Variants in ATAD2B observed in about 807,000 individuals in gnomAD.
ATAD2B encodes the protein ATPase family AAA domain containing 2B.
Under a neutral mutation model 167.6 loss-of-function variants are expected in ATAD2B, and 40 were observed. That is an observed-to-expected ratio of 0.24 (90% CI 0.19 to 0.31). The LOEUF (loss-of-function observed/expected upper bound fraction) is 0.31. Among genes scored for constraint, ATAD2B ranks in the 10% least tolerant of loss-of-function variants. ATAD2B has a pLI of 1.00. For synonymous variants in ATAD2B, 579 were observed against 596.5 expected, an observed-to-expected ratio of 0.97 and a Z score of 0.43; for missense variants, 1,242 against 1,757.2, an observed-to-expected ratio of 0.71 and a Z score of 5.24.
the ATAD2B span, among the ~76,000 whole-genome samples, chr2:23,692,894 A>G: frequency 1.3e-5 from 2 of 152,156 alleles, no homozygotes; most frequent in Non-Finnish European, 1.5e-5. Flanking sequence ...CTGGCACAAC[A>G]TGGAAGATGC....
downstream of ATAD2B, among the ~76,000 whole-genome samples, chr2:23,743,999 C>A (rs1674658073): frequency 6.6e-6 from 1 of 152,062 alleles, no homozygotes; most frequent in Non-Finnish European, 1.5e-5. Flanking sequence ...AGAAAGGAAA[C>A]ATCATCATAG....
At chr2:23,857,187 A>G (rs1375797497) in intron 13 of ATAD2B, among the ~76,000 whole-genome samples, 1 of 152,266 alleles carries the variant, frequency 6.6e-6, no homozygotes, top group Non-Finnish European at 1.5e-5. Context: ...AGGAATGAAC[A>G]TGGTTGTATT....
chr2:23,684,272 G>C, the ATAD2B span: 4 of 671,426 alleles, frequency 6.0e-6, no homozygotes, highest in African/African-American at 3.8e-5. This position sits in a 1 kb window ranked among gnomAD's most constrained non-coding sequence, Gnocchi z 4.4. Flanking sequence ...AGCCAGTCTT[G>C]CCAAGAAACA....
rs1161812244 is a variant in ATAD2B at position 23,808,036 on chromosome 2, AATTT to A, written c.2454+2276_2454+2279del. Among the ~76,000 whole-genome samples, 111 of 35,872 alleles carry A rather than the reference AATTT, an allele frequency of 3.1e-3. 1 individual carries two copies. The South Asian group carries it at 0.034, about 11-fold the overall frequency. The allele number at this position is 35,872 out of a possible 152,430, so 23.5% of individuals were successfully genotyped here. A position where few individuals can be genotyped will look rare whatever the true frequency, so the allele number is the denominator to read the frequency against. On this transcript the variant is annotated intron_variant, in intron 18 of 27. Transcript: ENST00000238789. The stretch of plus-strand genomic sequence containing the variant: ...TATATTATTTATTTATTATATATGT[AATTT>A]ATTTATATATAAGTAACTATAAATT...
intron 17 of ATAD2B, chr2:23,811,200 A>C (rs1456751018): frequency 6.6e-6 from 1 of 152,222 alleles, no homozygotes; most frequent in Non-Finnish European, 1.5e-5. Flanking sequence ...ACTTTTTGAC[A>C]AAGAGGTAGA....
At chr2:23,782,845 G>A in intron 22 of ATAD2B, 24 bp downstream of exon 22, 7 of 1,581,952 alleles carry the variant, frequency 4.4e-6, no homozygotes, top group Non-Finnish European at 6.0e-6. Flanking sequence ...TTATCAAGGG[G>A]AACCTTGCCC....
chr2:23,752,456 AATAC>A (rs974365216), intron 27 of ATAD2B, among the ~76,000 whole-genome samples: 9 of 150,224 alleles, frequency 6.0e-5, no homozygotes, highest in Non-Finnish European at 1.2e-4. Flanking sequence ...CTATATATAA[AATAC>A]ATAAATATAA....
chr2:23,736,108 G>A, the ATAD2B span, among the ~76,000 whole-genome samples: 1 of 152,016 alleles, frequency 6.6e-6, no homozygotes, highest in African/African-American at 2.4e-5. Context: ...AAAGTTTCAG[G>A]GTCAGTTCTG....
At chr2:23,708,321 G>C in the ATAD2B span, 1 of 152,170 alleles carries the variant, frequency 6.6e-6, no homozygotes, top group Admixed American at 6.5e-5. Context: ...ATGTCAAACA[G>C]GGTGCAAGTG....
intron 12 of ATAD2B, 45 bp downstream of exon 12, chr2:23,863,331 AAGAAC>A: frequency 1.2e-5 from 18 of 1,506,534 alleles, no homozygotes; most frequent in Non-Finnish European, 1.4e-5. Context: ...AAAGAAAGAA[AAGAAC>A]AGAACAGAAC....
the ATAD2B span, among the ~76,000 whole-genome samples, chr2:23,702,311 C>T: frequency 6.6e-6 from 1 of 152,332 alleles, no homozygotes; most frequent in East Asian, 1.9e-4. Flanking sequence ...ATGCTCTGAA[C>T]ACTTACATTA....
At chr2:23,873,365 C>T (rs970444422) in intron 8 of ATAD2B, among the ~76,000 whole-genome samples, 15 of 152,222 alleles carry the variant, frequency 9.9e-5, no homozygotes, top group African/African-American at 3.6e-4. Context: ...CATATACAGT[C>T]ATCCCTTAGT....
chr2:23,788,633 A>G lies in ATAD2B; in HGVS notation c.2655T>C (p.Phe885=). ...ACAAGACCTCTTCATACTGTATTCT[A>G]AAGATACATTTAACCTACACATATA... ...SELPEEVKCI[F]RIQYEEVLYI... is the part of the protein sequence containing the mutation. The change falls in exon 20 of 28, where the codon TTT becomes TTC. Residue 885 remains phenylalanine (F), a synonymous_variant. Transcript: ENST00000238789. The G allele has an allele frequency of 1.3e-6, 2 of 1,594,668 alleles. No individual in the cohort carries two copies. The highest frequency in any genetic ancestry group is 1.7e-6 in the Non-Finnish European group (2 of 1,163,586).
intron 22 of ATAD2B, among the ~76,000 whole-genome samples, chr2:23,773,289 T>G (rs1008240954): frequency 2.0e-5 from 3 of 152,132 alleles, no homozygotes; most frequent in Admixed American, 2.0e-4. Flanking sequence ...GAGGATTGCT[T>G]GAGGCCAGGA....
At chr2:23,883,946 C>T (rs1239557636) in intron 6 of ATAD2B, among the ~76,000 whole-genome samples, 3 of 152,092 alleles carry the variant, frequency 2.0e-5, no homozygotes, top group Non-Finnish European at 4.4e-5. Context: ...GAGTTCAACA[C>T]AAGCCTGGCC....
rs529605722 is a variant in ATAD2B, at chr2:23,819,801, G to A, written c.2213C>T (p.Pro738Leu). 2.5e-6 allele frequency: 4 copies of A among 1,608,944 alleles called. No homozygotes were observed. The African/African-American group carries it at 5.3e-5, about 21-fold the overall frequency. ...AGCAGCAGATGATGACTGTTTCTTTGGTGATCCTGAGTGACAATTGGTCTC... is the reference window on the plus strand; with the variant it reads ...AGCAGCAGATGATGACTGTTTCTTTAGTGATCCTGAGTGACAATTGGTCTC... The part of the protein sequence containing the change: ...IFETNCHSGS[P>L]KKQSSSAAIH... Residue 738 changes from proline (P) to leucine (L), a missense_variant, in exon 17 of 28, where the codon CCA becomes CTA. By Grantham distance (98) the Pro-to-Leu change is moderately conservative (BLOSUM62 -3). Transcript: ENST00000238789.
the ATAD2B span, chr2:23,706,484 T>C: frequency 1.3e-6 from 2 of 1,525,918 alleles, no homozygotes; most frequent in South Asian, 2.4e-5. Flanking sequence ...CCAACAGTGC[T>C]GTGGTGCTTG....
chr2:23,884,144 CA>C (rs978928584), intron 6 of ATAD2B, among the ~76,000 whole-genome samples: 2 of 147,166 alleles, frequency 1.4e-5, no homozygotes, highest in Non-Finnish European at 1.5e-5. Context: ...GACTCTGTCT[CA>C]AAAAAAAAAG....
intron 1 of ATAD2B, among the ~76,000 whole-genome samples, chr2:23,914,130 G>A (rs1454384403): frequency 2.0e-5 from 3 of 152,048 alleles, no homozygotes; most frequent in Non-Finnish European, 4.4e-5. Context: ...ATTGCCATAA[G>A]CATAAACAGA....
Sources: gnomAD v4.1 joint callset for allele counts (sites outside exome capture counted in the v4.1 genomes callset) on GRCh38, gnomAD v4.1.1 for gene constraint, Gnocchi (gnomAD v3.1) non-coding constraint, MANE v1.5 for transcripts, NCBI Gene and HGNC (gene_info 2026-07-23, HGNC 2026-07-21) for gene names.